SHC3: variants seen among roughly 807,000 people sequenced by gnomAD.
The protein encoded by SHC3 is SHC-transforming protein 3.
A neutral mutation model predicts 60.4 loss-of-function variants in SHC3; 15 were observed. The ratio of observed to expected loss-of-function variants is 0.25; its 90% CI spans 0.17 to 0.38. The LOEUF is 0.38. SHC3 is among the 10% of genes least tolerant of loss of function. The probability of loss-of-function intolerance (pLI) is 1.00; values close to 1 mark genes in which losing one functional copy is unlikely to be tolerated. For synonymous variants in SHC3, 294 were observed against 325.9 expected, an observed-to-expected ratio of 0.90 and a Z score of 1.05; for missense variants, 677 against 786.1, an observed-to-expected ratio of 0.86 and a Z score of 1.66.
intron 1 of SHC3, among the ~76,000 whole-genome samples, chr9:89,138,901 G>C (rs540144138): frequency 6.6e-6 from 1 of 152,140 alleles, no homozygotes; most frequent in South Asian, 2.1e-4. Flanking sequence ...TGACTCTTGA[G>C]TTCTGAGAAA....
chr9:89,168,203 C>T (rs1038485942), intron 1 of SHC3, among the ~76,000 whole-genome samples: 3 of 152,166 alleles, frequency 2.0e-5, no homozygotes, highest in Non-Finnish European at 4.4e-5. Context: ...CGGTGGCTCA[C>T]GCCTGTAATC....
intron 6 of SHC3, among the ~76,000 whole-genome samples, chr9:89,057,849 T>C (rs1271659232): frequency 6.6e-6 from 1 of 152,200 alleles, no homozygotes; most frequent in Non-Finnish European, 1.5e-5. Flanking sequence ...AAAGAGTTTT[T>C]ACAGGTGTGG....
chr9:89,101,958 TTC>T (rs1825789873), intron 2 of SHC3, among the ~76,000 whole-genome samples: 1 of 152,144 alleles, frequency 6.6e-6, no homozygotes, highest in South Asian at 2.1e-4. Flanking sequence ...CCCTGGAGTT[TTC>T]TCTCTAAAAA....
chr9:89,055,802 A>T (rs971327528), intron 6 of SHC3, among the ~76,000 whole-genome samples: 1 of 152,234 alleles, frequency 6.6e-6, no homozygotes, highest in Non-Finnish European at 1.5e-5. Flanking sequence ...AGTCACAGTT[A>T]TCCATGCTGC....
intron 1 of SHC3, 70 bp downstream of exon 1, chr9:89,177,917 G>A (rs1215007011): frequency 8.7e-7 from 1 of 1,154,306 alleles, no homozygotes; most frequent in Non-Finnish European, 1.1e-6. Flanking sequence ...GGGCTTCAGG[G>A]AATGAAGGAG....
chr9:89,143,452 G>A (rs1043202147), intron 1 of SHC3, among the ~76,000 whole-genome samples: 18 of 152,168 alleles, frequency 1.2e-4, no homozygotes, highest in Admixed American at 1.2e-3. Flanking sequence ...AACCATCTGG[G>A]AATCCAGCCC....
chr9:89,153,235 A>G (rs1826570025), intron 1 of SHC3, among the ~76,000 whole-genome samples: 1 of 152,256 alleles, frequency 6.6e-6, no homozygotes, highest in Non-Finnish European at 1.5e-5. Flanking sequence ...TCATTGCAGA[A>G]AATTTTGGAA....
intron 2 of SHC3, among the ~76,000 whole-genome samples, chr9:89,103,577 C>A (rs1332477321): frequency 1.3e-5 from 2 of 152,132 alleles, no homozygotes; most frequent in Non-Finnish European, 2.9e-5. Flanking sequence ...AGATTTGTGA[C>A]TTATATACCT....
At chr9:89,103,704 G>A (rs2118088397) in intron 2 of SHC3, among the ~76,000 whole-genome samples, 1 of 152,330 alleles carries the variant, frequency 6.6e-6, no homozygotes, top group South Asian at 2.1e-4. Context: ...CATGTTAAAT[G>A]CTTTTCAGAT....
chr9:89,130,228 T>G (rs1011259594), intron 1 of SHC3, among the ~76,000 whole-genome samples: 2 of 152,214 alleles, frequency 1.3e-5, no homozygotes, highest in Non-Finnish European at 2.9e-5. Flanking sequence ...ATCCTAAATA[T>G]ACATGCACCC....
chr9:89,057,385 G>A (rs1407374119), intron 6 of SHC3, among the ~76,000 whole-genome samples: 1 of 145,900 alleles, frequency 6.9e-6, no homozygotes, highest in Non-Finnish European at 1.5e-5. Flanking sequence ...GCTATGATGA[G>A]TTTCTCAGTA....
At chr9:89,104,598 C>T (rs1231512883) in intron 2 of SHC3, among the ~76,000 whole-genome samples, 3 of 152,134 alleles carry the variant, frequency 2.0e-5, no homozygotes, top group East Asian at 1.9e-4. Flanking sequence ...TGTGCTGCAG[C>T]GGAGCCCACA....
intron 6 of SHC3, among the ~76,000 whole-genome samples, chr9:89,059,098 T>G (rs1825012513): frequency 8.3e-6 from 1 of 120,274 alleles, no homozygotes; most frequent in African/African-American, 3.3e-5. Flanking sequence ...AGGATGGTGG[T>G]GGAGGATGGT....
chr9:89,091,608 T>C (rs1026730198), intron 2 of SHC3, among the ~76,000 whole-genome samples: 6 of 152,246 alleles, frequency 3.9e-5, no homozygotes, highest in Admixed American at 6.5e-5. Context: ...TTTTTTAATA[T>C]AAAATTTACC....
At chr9:89,080,287 A>T (rs916438374) in intron 2 of SHC3, among the ~76,000 whole-genome samples, 1 of 152,110 alleles carries the variant, frequency 6.6e-6, no homozygotes, top group Non-Finnish European at 1.5e-5. Context: ...GTTCAGTATG[A>T]CCCTGTTTCT....
chr9:89,112,659 T>G, intron 1 of SHC3, 33 bp from the exon 2 acceptor site: 1 of 1,554,738 alleles, frequency 6.4e-7, no homozygotes, highest in South Asian at 1.2e-5. Flanking sequence ...TCGTGAGCCC[T>G]GAGATTTGAG....
chr9:89,038,407 G>T, intron 10 of SHC3, 119 bp from the exon 11 acceptor site: 2 of 1,135,348 alleles, frequency 1.8e-6, no homozygotes, highest in Non-Finnish European at 2.4e-6. Context: ...TCCAGAAGGG[G>T]AAAACAAAAA....
At chr9:89,054,101 A>G (rs1587698445) in intron 6 of SHC3, among the ~76,000 whole-genome samples, 1 of 152,162 alleles carries the variant, frequency 6.6e-6, no homozygotes, top group East Asian at 1.9e-4. Flanking sequence ...CGATTTACTG[A>G]GAGTGGGCTG....
intron 11 of SHC3, among the ~76,000 whole-genome samples, chr9:89,032,524 A>T (rs1306391386): frequency 6.6e-6 from 1 of 152,208 alleles, no homozygotes; most frequent in Admixed American, 6.5e-5. Context: ...AAGAGCGTTG[A>T]CTAAACAATT....
Sources: allele counts gnomAD v4.1 joint callset (sites outside exome capture counted in the v4.1 genomes callset), GRCh38; gene constraint gnomAD v4.1.1; transcripts MANE v1.5; gene names NCBI Gene and HGNC (gene_info 2026-07-23, HGNC 2026-07-21).